FARP1: variants seen among roughly 807,000 people sequenced by gnomAD.
FARP1 encodes FERM, ARHGEF and pleckstrin domain-containing protein 1.
A neutral mutation model predicts 128.8 loss-of-function variants in FARP1; 52 were observed. That is an observed-to-expected ratio of 0.40 (90% confidence interval 0.32 to 0.51). FARP1 has a LOEUF of 0.51. Ranked by LOEUF, FARP1 falls within the 20% of genes least tolerant of loss-of-function variation. The pLI, the probability that FARP1 is intolerant of heterozygous loss-of-function variation, is 0.45. For synonymous variants in FARP1, 580 were observed against 551.8 expected, an observed-to-expected ratio of 1.05 and a Z score of -0.72; for missense variants, 1,333 against 1,367.9, an observed-to-expected ratio of 0.97 and a Z score of 0.40.
chr13:98,448,203 A>C (rs1892981418), intron 26 of FARP1, 33 bp from the exon 27 acceptor site: 1 of 1,593,246 alleles, frequency 6.3e-7, no homozygotes, highest in African/African-American at 1.3e-5. Flanking sequence ...CGTCCAAACA[A>C]AAGGTTGACT....
At chr13:98,274,977 G>A (rs1241095122) in intron 2 of FARP1, among the ~76,000 whole-genome samples, 3 of 152,164 alleles carry the variant, frequency 2.0e-5, no homozygotes, top group African/African-American at 4.8e-5. Context: ...AAAGTAATAT[G>A]ATTGTATTAA....
rs139614530 is a variant in FARP1 at position 98,215,693 on chromosome 13, A to C, written c.171+2280A>C. Among the ~76,000 whole-genome samples, 384 of 152,296 alleles carry C rather than the reference A, an allele frequency of 2.5e-3. 1 individual carries two copies. Among genetic ancestry groups the C allele is most frequent in the African/African-American group, 8.7e-3 (362 of 41,560 alleles). On this transcript the variant is annotated intron_variant, in intron 2 of 26. Transcript: ENST00000319562. Reference sequence around the variant, plus strand: ...ACCTGGCATATAGTAGCTGCTAATTAAATGTTTGCTGACTGTTAGAGTGAG... The same window carrying C: ...ACCTGGCATATAGTAGCTGCTAATTCAATGTTTGCTGACTGTTAGAGTGAG...
intron 24 of FARP1, 177 bp from the exon 25 acceptor site, chr13:98,445,921 A>AGATC (rs1892805074): frequency 1.8e-6 from 1 of 556,448 alleles, no homozygotes; most frequent in African/African-American, 1.9e-5. Context: ...GGAAGTGATG[A>AGATC]GATCAGGGTC....
chr13:98,286,946 G>A (rs1228161067), intron 2 of FARP1, among the ~76,000 whole-genome samples: 1 of 152,080 alleles, frequency 6.6e-6, no homozygotes, highest in East Asian at 1.9e-4. Context: ...TTTGTTACCT[G>A]AGCCAATTTA....
At chr13:98,368,554 G>A (rs1036211270) in intron 5 of FARP1, among the ~76,000 whole-genome samples, 2 of 152,198 alleles carry the variant, frequency 1.3e-5, no homozygotes, top group African/African-American at 4.8e-5. Context: ...TGCCATGGGT[G>A]GTAGATTTGG....
Position 98,284,897 on chromosome 13 carries a change from C to T in FARP1, c.172-58865C>T, listed in dbSNP as rs549754823. On this transcript the variant is annotated intron_variant, in intron 2 of 26. Coordinates refer to ENST00000319562, the MANE Select transcript of FARP1 (RefSeq NM_005766.4). ...ACACTTCTTGCTAGTTCTCTGTGTA[C>T]GCATTTCCTATTAGACAGATGGGAA... 3.3e-5 allele frequency among the ~76,000 whole-genome samples: 5 copies of T among 152,232 alleles called. No homozygotes were observed. The South Asian group carries it at 6.2e-4, about 19-fold the overall frequency.
rs79560260 is a variant in FARP1, at chr13:98,220,442, C to T, written c.171+7029C>T. ...AAGCAGAGGGAACTTAGCATGTTCA[C>T]CCAGCTTTAAAAAATAAGTCAGCGT... On this transcript the variant is annotated intron_variant, in intron 2 of 26. Transcript: ENST00000319562. 7.1e-4 allele frequency among the ~76,000 whole-genome samples: 108 copies of T among 152,298 alleles called. No homozygotes were observed. The East Asian group carries it at 0.021, about 29-fold the overall frequency.
At chr13:98,148,084 CA>C (rs11306922) in intron 1 of FARP1, among the ~76,000 whole-genome samples, 137,891 of 151,958 alleles carry the variant, frequency 0.91, 64,032 homozygotes, top group Non-Finnish European at 1. Context: ...GGTTCCTTTT[CA>C]AAAAAAAAGA....
intron 1 of FARP1, among the ~76,000 whole-genome samples, chr13:98,154,066 C>T (rs1332958014): frequency 2.0e-5 from 3 of 152,144 alleles, no homozygotes; most frequent in Non-Finnish European, 4.4e-5. Flanking sequence ...TTGAGACTGG[C>T]CTCTTTCATT....
At chr13:98,288,472 C>T (rs1210969398) in intron 2 of FARP1, among the ~76,000 whole-genome samples, 1 of 152,186 alleles carries the variant, frequency 6.6e-6, no homozygotes, top group Non-Finnish European at 1.5e-5. Flanking sequence ...CTATTACTTC[C>T]TTGGAGTCTT....
chr13:98,155,384 G>A (rs1344751187), intron 1 of FARP1, among the ~76,000 whole-genome samples: 1 of 151,816 alleles, frequency 6.6e-6, no homozygotes, highest in Non-Finnish European at 1.5e-5. Context: ...TGGGACTGTG[G>A]GGTCTGCTAC....
chr13:98,364,838 C>T (rs1324909085), intron 3 of FARP1, among the ~76,000 whole-genome samples: 1 of 152,170 alleles, frequency 6.6e-6, no homozygotes, highest in African/African-American at 2.4e-5. Flanking sequence ...AGCTGAGGGA[C>T]CTGGGGCAAA....
At chr13:98,400,162 C>T (rs541855744) in intron 13 of FARP1, 8 of 152,294 alleles carry the variant, frequency 5.3e-5, no homozygotes, top group African/African-American at 1.9e-4. Flanking sequence ...AGATTCAAGC[C>T]AAGCAATGCT....
chr13:98,424,583 C>T lies in FARP1; in HGVS notation c.1838C>T (p.Ser613Leu), dbSNP rs1481425116. The change falls in exon 17 of 27, where the codon TCA becomes TTA. Residue 613 changes from serine (S) to leucine (L), a missense_variant. Coordinates refer to ENST00000319562, the MANE Select transcript of FARP1 (RefSeq NM_005766.4). ...GCTTTTGCTCTCAGGGAAGGCCGCT[C>T]AAATGCCCAAATCAGAGATTACCAA... Reference protein sequence around the residue: ...EQRLALWEGRSNAQIRDYQRI... With the variant: ...EQRLALWEGRLNAQIRDYQRI... The T allele has an allele frequency of 3.1e-6, 5 of 1,613,076 alleles. No individual in the cohort carries two copies. Among genetic ancestry groups the T allele is most frequent in the Middle Eastern group, 1.6e-4 (1 of 6,062 alleles).
chr13:98,436,211 G>C, intron 19 of FARP1: 1 of 210,342 alleles, frequency 4.8e-6, no homozygotes. Flanking sequence ...CAGGAGAGAT[G>C]CAAGTTCACT....
At position 98,453,009 on chromosome 13, in the gene FARP1, A is replaced by G; in HGVS notation, c.*4692A>G. 1 of 641,018 alleles carries G rather than the reference A, an allele frequency of 1.6e-6. No homozygotes were observed. Among genetic ancestry groups the G allele is most frequent in the East Asian group, 2.8e-5 (1 of 35,206 alleles). 39.7% of individuals were successfully genotyped at this position (641,018 alleles called of 1,614,324 possible). Reference sequence around the variant, plus strand: ...CTGAGAGACTTCATCTGGCTGCAGCACAGTGAAGACTGTGTGTGTCCCTGG... The same window carrying G: ...CTGAGAGACTTCATCTGGCTGCAGCGCAGTGAAGACTGTGTGTGTCCCTGG... On this transcript the variant is annotated 3_prime_UTR_variant, in exon 27 of 27. Transcript: ENST00000319562.
intron 11 of FARP1, 49 bp downstream of exon 11, chr13:98,390,929 C>G: frequency 7.9e-7 from 1 of 1,266,756 alleles, no homozygotes. Context: ...CTCAGACTCG[C>G]CAGGTAACAG....
At chr13:98,409,601 A>G in intron 14 of FARP1, 76 bp downstream of exon 14, 1 of 1,341,002 alleles carries the variant, frequency 7.5e-7, no homozygotes, top group Non-Finnish European at 1.0e-6. Flanking sequence ...AAATTGTACT[A>G]AAATATACAT....
chr13:98,309,466 G>T (rs1381977428), intron 2 of FARP1, among the ~76,000 whole-genome samples: 1 of 151,976 alleles, frequency 6.6e-6, no homozygotes, highest in East Asian at 1.9e-4. Context: ...ACCGCGCCCG[G>T]CCAAGAGGCC....
Sources: gnomAD v4.1 joint callset for allele counts (sites outside exome capture counted in the v4.1 genomes callset) on GRCh38, gnomAD v4.1.1 for gene constraint, MANE v1.5 for transcripts, NCBI Gene and HGNC (gene_info 2026-07-23, HGNC 2026-07-21) for gene names.